Variants in FAM20B observed in about 807,000 individuals in gnomAD.
The protein encoded by FAM20B is glycosaminoglycan xylosylkinase.
Under a neutral mutation model 43.8 loss-of-function variants are expected in FAM20B, and 23 were observed. That is an observed-to-expected ratio of 0.53 (90% CI 0.38 to 0.74). The LOEUF (loss-of-function observed/expected upper bound fraction) is 0.74. Ranked by LOEUF, FAM20B falls within the 30% of genes least tolerant of loss-of-function variation. The pLI is 0.00. For missense variants in FAM20B, 440 were observed against 510.5 expected, an observed-to-expected ratio of 0.86 and a Z score of 1.33; for synonymous variants, 178 against 192.4, an observed-to-expected ratio of 0.93 and a Z score of 0.62.
rs11321294 is a variant in FAM20B at position 179,030,878 on chromosome 1, C to CA, written c.-134+4795dup. ...AATATATTAGAAGAGACAGATGTGC[C>CA]AAAAAAAAAAAAAAATGTGTGTGTG... On this transcript the variant is annotated intron_variant, in intron 1 of 7. Transcript: ENST00000263733. Among the ~76,000 whole-genome samples the CA allele has an allele frequency of 4.0e-3, 515 of 127,892 alleles. 2 individuals are homozygous for CA. The highest frequency in any genetic ancestry group is 6.9e-3 in the African/African-American group (242 of 34,926). 83.9% of individuals were successfully genotyped at this position (127,892 alleles called of 152,430 possible). A position where few individuals can be genotyped will look rare whatever the true frequency, so the allele number is the denominator to read the frequency against.
At chr1:179,034,534 C>T (rs553270931) in intron 1 of FAM20B, among the ~76,000 whole-genome samples, 1 of 152,214 alleles carries the variant, frequency 6.6e-6, no homozygotes, top group South Asian at 2.1e-4. Context: ...CATGTTTGGC[C>T]CTGACTCCAC....
upstream of FAM20B, among the ~76,000 whole-genome samples, chr1:179,022,197 C>T (rs552350138): frequency 3.0e-4 from 45 of 152,338 alleles, no homozygotes; most frequent in Middle Eastern, 0.01. Flanking sequence ...TGTCCACAGA[C>T]AGCCCAATGC....
the FAM20B span, among the ~76,000 whole-genome samples, chr1:179,017,796 CTG>C: frequency 1.3e-5 from 2 of 152,126 alleles, no homozygotes; most frequent in African/African-American, 4.8e-5. Flanking sequence ...CACAGAAAGA[CTG>C]TGTATAATAG....
intron 3 of FAM20B, among the ~76,000 whole-genome samples, chr1:179,053,515 T>C (rs10798649): frequency 0.71 from 107,242 of 151,930 alleles, 39,037 homozygotes; most frequent in African/African-American, 0.88. Flanking sequence ...TTTGTGGATC[T>C]TGATACTTTT....
At chr1:179,057,316 A>G (rs958500433) in intron 4 of FAM20B, among the ~76,000 whole-genome samples, 1 of 152,214 alleles carries the variant, frequency 6.6e-6, no homozygotes, top group Non-Finnish European at 1.5e-5. Flanking sequence ...CTGTAACTCC[A>G]GCCTGGTCGA....
Position 179,072,115 on chromosome 1 carries a change from G to T in FAM20B, c.1201G>T (p.Glu401Ter). ...DQFGMDTVLVEDRMPLSHL is the reference protein window; with the variant it reads ...DQFGMDTVLV ...GTTTGGGATGGACACAGTACTGGTG[G>T]AAGACAGGATGCCTCTCTCACACTT... is the stretch of plus-strand genomic sequence containing the variant. Residue 401 changes from glutamate (E) to a stop codon, truncating the protein, a stop_gained, in exon 8 of 8, where the codon GAA (glutamate) becomes TAA (stop). Coordinates refer to ENST00000263733, the MANE Select transcript of FAM20B (RefSeq NM_014864.4). LOFTEE classifies it high-confidence loss of function. 1.2e-6 allele frequency: 2 copies of T among 1,613,510 alleles called. No individual in the cohort carries two copies. The highest frequency in any genetic ancestry group is 4.5e-5 in the East Asian group (2 of 44,900).
chr1:179,052,643 A>G (rs143484027), intron 3 of FAM20B, among the ~76,000 whole-genome samples: 1 of 152,362 alleles, frequency 6.6e-6, no homozygotes, highest in African/African-American at 2.4e-5. Flanking sequence ...AGCATTTTCA[A>G]TAGTGGGAAA....
chr1:179,054,619 G>T lies in FAM20B; in HGVS notation c.555G>T (p.Leu185Phe). Residue 185 changes from leucine (L) to phenylalanine (F), a missense_variant, in exon 4 of 8, where the codon TTG (leucine) becomes TTT (phenylalanine). Transcript: ENST00000263733. ...AACCTGTCGCCACAGAGCAGCTGTT[G>T]AGCACCTTCCTAACTGTAGGTAAGA... ...EIKPVATEQL[L>F]STFLTVGNNT... is the part of the protein sequence containing the mutation. 1 of 1,608,664 alleles carries T rather than the reference G, an allele frequency of 6.2e-7. No homozygotes were observed. Among genetic ancestry groups the T allele is most frequent in the Non-Finnish European group, 8.5e-7 (1 of 1,175,508 alleles).
chr1:179,061,754 T>G (rs893114314), intron 4 of FAM20B, among the ~76,000 whole-genome samples: 3 of 152,170 alleles, frequency 2.0e-5, no homozygotes, highest in African/African-American at 7.2e-5. Flanking sequence ...CTAGACCTAT[T>G]AGTTGTCATT....
At chr1:179,055,541 A>G (rs377149437) in intron 4 of FAM20B, among the ~76,000 whole-genome samples, 9 of 152,234 alleles carry the variant, frequency 5.9e-5, no homozygotes, top group Non-Finnish European at 1.2e-4. Flanking sequence ...AAAGCATACA[A>G]TGTTAGATAT....
At chr1:179,060,675 C>T (rs546383348) in intron 4 of FAM20B, among the ~76,000 whole-genome samples, 1 of 152,276 alleles carries the variant, frequency 6.6e-6, no homozygotes, top group Non-Finnish European at 1.5e-5. Flanking sequence ...TAAACCAGTC[C>T]CCAGTACCAA....
intron 7 of FAM20B, among the ~76,000 whole-genome samples, chr1:179,071,558 AAT>A (rs1026132673): frequency 6.6e-6 from 1 of 152,074 alleles, no homozygotes; most frequent in African/African-American, 2.4e-5. Flanking sequence ...CATTCCACTA[AAT>A]TTTCAAAATT....
intron 3 of FAM20B, among the ~76,000 whole-genome samples, chr1:179,051,763 C>A (rs1651017625): frequency 1.3e-5 from 2 of 152,196 alleles, no homozygotes; most frequent in South Asian, 4.1e-4. Flanking sequence ...TATCCTGCCT[C>A]AGCCTACCGA....
chr1:179,064,347 G>T lies in FAM20B; in HGVS notation c.789G>T (p.Thr263=), dbSNP rs767476826. 1.9e-6 allele frequency: 3 copies of T among 1,613,400 alleles called. No individual in the cohort carries two copies. In the African/African-American group the frequency reaches 4.0e-5, roughly 22 times the overall value. The part of the protein sequence containing the change: ...DESYCDAVKK[T]SPYDSGPRLL... ...GCTACTGTGATGCTGTGAAGAAAAC[G>T]TCCCCTTATGACTCTGGCCCGCGCC... The change falls in exon 6 of 8, where the codon ACG becomes ACT. Residue 263 remains threonine (T), a synonymous_variant. Transcript: ENST00000263733.
intron 4 of FAM20B, among the ~76,000 whole-genome samples, 155 bp from the exon 5 acceptor site, chr1:179,063,772 C>T (rs1651572867): frequency 6.6e-6 from 1 of 152,012 alleles, no homozygotes; most frequent in Non-Finnish European, 1.5e-5. Flanking sequence ...TTTTTATTAC[C>T]TATACAGGAA....
At chr1:179,039,595 C>T (rs972625271) in intron 1 of FAM20B, among the ~76,000 whole-genome samples, 3 of 151,922 alleles carry the variant, frequency 2.0e-5, no homozygotes, top group African/African-American at 4.8e-5. Flanking sequence ...AAATAATTGG[C>T]GAAGGACTAA....
At chr1:179,042,584 C>T (rs1191657872) in intron 1 of FAM20B, among the ~76,000 whole-genome samples, 4 of 152,186 alleles carry the variant, frequency 2.6e-5, no homozygotes, top group Admixed American at 2.0e-4. Flanking sequence ...GGGTGTGTTT[C>T]AGCCCTGTTT....
chr1:179,040,682 G>A (rs367606601), intron 1 of FAM20B, among the ~76,000 whole-genome samples: 2 of 122,504 alleles, frequency 1.6e-5, no homozygotes. Flanking sequence ...CCTCCCTCCC[G>A]GACGGGGCGG....
At chr1:179,050,170 G>A (rs768526885) in intron 2 of FAM20B, 109 bp from the exon 3 acceptor site, 38 of 700,054 alleles carry the variant, frequency 5.4e-5, no homozygotes, top group Non-Finnish European at 9.5e-5. Context: ...GACAGAGAAG[G>A]TGACTATAGC....
Sources: gnomAD v4.1 joint callset for allele counts (sites outside exome capture counted in the v4.1 genomes callset) on GRCh38, gnomAD v4.1.1 for gene constraint, MANE v1.5 for transcripts, NCBI Gene and HGNC (gene_info 2026-07-23, HGNC 2026-07-21) for gene names.